The following DCDC2 variants were observed in gnomAD, a reference collection of about 807,000 sequenced individuals.
The protein encoded by DCDC2 is doublecortin domain containing 2.
In DCDC2, 40 loss-of-function variants were observed where a neutral mutation model predicts 50.2. The ratio of observed to expected loss-of-function variants is 0.80; its 90% CI spans 0.62 to 1.04. DCDC2 has a LOEUF of 1.04. DCDC2 is among the 50% of genes least tolerant of loss of function. The pLI is 0.00. For missense variants in DCDC2, 570 were observed against 581.9 expected, an observed-to-expected ratio of 0.98 and a Z score of 0.21; for synonymous variants, 234 against 210.6, an observed-to-expected ratio of 1.11 and a Z score of -0.96.
the DCDC2 span, among the ~76,000 whole-genome samples, chr6:24,374,041 A>G: frequency 6.6e-6 from 1 of 151,926 alleles, no homozygotes; most frequent in Non-Finnish European, 1.5e-5. Context: ...GGGCGCCTGT[A>G]GTTCCAGCTA....
chr6:24,362,300 A>ATTTAATTGTATGTTGATACAATTATTT (rs1760678668), upstream of DCDC2, among the ~76,000 whole-genome samples: 1 of 145,440 alleles, frequency 6.9e-6, no homozygotes, highest in African/African-American at 2.6e-5. Flanking sequence ...ATTATTTTTT[A>ATTTAATTGTATGTTGATACAATTATTT]TTTAATTGTA....
intron 7 of DCDC2, among the ~76,000 whole-genome samples, chr6:24,210,808 C>T (rs2113766459): frequency 6.6e-6 from 1 of 152,340 alleles, no homozygotes. Flanking sequence ...CTTACTATGG[C>T]TTACAGAGAT....
chr6:24,178,420 A>G lies in DCDC2; in HGVS notation c.1236T>C (p.Asn412=). The part of the protein sequence containing the change: ...ARVNGGTDEE[N]GEELQQVNNE... ...TATTAACCTGCTGCAGCTCCTCACC[A>G]TTCTCCTCATCGGTGCCTCCATTTA... The change falls in exon 9 of 10, where the codon AAT becomes AAC. Residue 412 remains asparagine, a synonymous_variant. Transcript: ENST00000378454. 1 of 1,614,052 alleles carries G rather than the reference A, an allele frequency of 6.2e-7. No homozygotes were observed. The highest frequency in any genetic ancestry group is 8.5e-7 in the Non-Finnish European group (1 of 1,180,012).
At chr6:24,271,116 G>A (rs1182905626) in intron 7 of DCDC2, among the ~76,000 whole-genome samples, 1 of 139,284 alleles carries the variant, frequency 7.2e-6, no homozygotes, top group African/African-American at 2.7e-5. Flanking sequence ...AGCTACGTGG[G>A]AGGATCACTT....
At chr6:24,196,622 G>A (rs1250808928) in intron 8 of DCDC2, among the ~76,000 whole-genome samples, 4 of 152,002 alleles carry the variant, frequency 2.6e-5, no homozygotes, top group Non-Finnish European at 4.4e-5. Context: ...AGGTTTCACC[G>A]TGTTGGCCAG....
At chr6:24,359,706 G>A (rs1760628390), upstream of DCDC2, among the ~76,000 whole-genome samples, 2 of 149,936 alleles carry the variant, frequency 1.3e-5, no homozygotes, top group Non-Finnish European at 1.5e-5. Flanking sequence ...AGACCAACCT[G>A]AGCAGCACAG....
chr6:24,242,929 T>C (rs1581607138), intron 7 of DCDC2, among the ~76,000 whole-genome samples: 1 of 149,946 alleles, frequency 6.7e-6, no homozygotes, highest in East Asian at 2.0e-4. Flanking sequence ...GCCGATATGC[T>C]CCAGCCTGGG....
At chr6:24,372,249 T>A in the DCDC2 span, among the ~76,000 whole-genome samples, 1 of 151,976 alleles carries the variant, frequency 6.6e-6, no homozygotes, top group Non-Finnish European at 1.5e-5. Flanking sequence ...GTGAAACCCC[T>A]CTCTACTAAA....
At chr6:24,269,903 C>T (rs1332682156) in intron 7 of DCDC2, among the ~76,000 whole-genome samples, 2 of 151,368 alleles carry the variant, frequency 1.3e-5, no homozygotes, top group South Asian at 4.2e-4. Context: ...AAGAGAAAAA[C>T]GGCTTGTTAG....
At chr6:24,272,374 C>T (rs536863026) in intron 7 of DCDC2, among the ~76,000 whole-genome samples, 2 of 152,228 alleles carry the variant, frequency 1.3e-5, no homozygotes, top group African/African-American at 4.8e-5. Flanking sequence ...CATACTAGTA[C>T]TTGATGTATA....
chr6:24,341,300 A>T (rs976761978), intron 2 of DCDC2, among the ~76,000 whole-genome samples: 1 of 152,188 alleles, frequency 6.6e-6, no homozygotes, highest in African/African-American at 2.4e-5. Flanking sequence ...CCCCCAGCTA[A>T]GAGGTGGGCT....
At chr6:24,348,889 T>G (rs1235903109) in intron 2 of DCDC2, among the ~76,000 whole-genome samples, 1 of 152,174 alleles carries the variant, frequency 6.6e-6, no homozygotes, top group African/African-American at 2.4e-5. Flanking sequence ...ATCCATTTTA[T>G]GCCTAGTGCC....
At chr6:24,252,405 T>C (rs1310034815) in intron 7 of DCDC2, among the ~76,000 whole-genome samples, 2 of 152,138 alleles carry the variant, frequency 1.3e-5, no homozygotes, top group East Asian at 3.9e-4. Flanking sequence ...TTGGCTCCTT[T>C]AACAAATAAG....
At chr6:24,350,455 G>A (rs111276645) in intron 2 of DCDC2, among the ~76,000 whole-genome samples, 60 of 152,170 alleles carry the variant, frequency 3.9e-4, no homozygotes, top group African/African-American at 1.3e-3. Context: ...AAATGTACTC[G>A]GAATAATTAG....
chr6:24,269,334 A>G (rs1763190269), intron 7 of DCDC2, among the ~76,000 whole-genome samples: 1 of 152,242 alleles, frequency 6.6e-6, no homozygotes. Context: ...ATGACTCAAT[A>G]CCCAGAAGGA....
intron 7 of DCDC2, among the ~76,000 whole-genome samples, chr6:24,259,024 T>C (rs1434397265): frequency 6.6e-6 from 1 of 152,192 alleles, no homozygotes; most frequent in Non-Finnish European, 1.5e-5. Flanking sequence ...AAATTCCTTT[T>C]CAGAGAACTT....
chr6:24,330,386 T>C (rs1337236495), intron 2 of DCDC2, among the ~76,000 whole-genome samples: 1 of 152,120 alleles, frequency 6.6e-6, no homozygotes, highest in Non-Finnish European at 1.5e-5. Context: ...CTTCACACCG[T>C]GGGGAGTACA....
intron 7 of DCDC2, among the ~76,000 whole-genome samples, chr6:24,214,364 CAG>C (rs1289953157): frequency 1.3e-5 from 2 of 152,264 alleles, no homozygotes; most frequent in East Asian, 3.9e-4. Flanking sequence ...TCCCAGATCA[CAG>C]GTAATTTTGT....
rs1462483590 is a variant in DCDC2, at chr6:24,174,761, T to C, written c.1400A>G (p.Gln467Arg). ...ITSPEENENN[Q>R]QNKDYAAVA ...CACGGCAGCATAGTCCTTGTTTTGT[T>C]GGTTGTTTTCATTTTCTTCTGGACT... is the stretch of plus-strand genomic sequence containing the variant. Residue 467 changes from glutamine (Q) to arginine (R), a missense_variant, in exon 10 of 10, where the codon CAA becomes CGA. By Grantham distance (43) the Gln-to-Arg change is conservative. Coordinates refer to ENST00000378454, the MANE Select transcript of DCDC2 (RefSeq NM_016356.5). The C allele has an allele frequency of 1.2e-6, 2 of 1,613,634 alleles. No homozygotes were observed. The highest frequency in any genetic ancestry group is 1.7e-5 in the Admixed American group (1 of 60,002).
Sources: gnomAD v4.1 joint callset for allele counts (sites outside exome capture counted in the v4.1 genomes callset) on GRCh38, gnomAD v4.1.1 for gene constraint, MANE v1.5 for transcripts, NCBI Gene and HGNC (gene_info 2026-07-23, HGNC 2026-07-21) for gene names.